Variants in GALNT17 observed in about 807,000 individuals in gnomAD.
GALNT17 encodes the protein UDP-GalNAc:polypeptide N-acetylgalactosaminyltransferase-like 3.
Under a neutral mutation model 63.7 loss-of-function variants are expected in GALNT17, and 29 were observed. The observed-to-expected ratio is 0.46, with a 90% CI of 0.34 to 0.62. GALNT17 has a LOEUF of 0.62. Among genes scored for constraint, GALNT17 ranks in the 20% least tolerant of loss-of-function variants. GALNT17 has a pLI of 0.01. For synonymous variants in GALNT17, 305 were observed against 318.3 expected, an observed-to-expected ratio of 0.96 and a Z score of 0.45; for missense variants, 603 against 799.6, an observed-to-expected ratio of 0.75 and a Z score of 2.97.
At chr7:71,319,093 T>TCTTTCTTTCTTTC (rs747369973) in intron 1 of GALNT17, among the ~76,000 whole-genome samples, 1,620 of 148,618 alleles carry the variant, frequency 0.011, 36 homozygotes, top group East Asian at 0.03. Flanking sequence ...GCTATTTTTG[T>TCTTTCTTTCTTTC]TTATCTTTCT....
At chr7:71,281,473 T>C (rs1277139377) in intron 1 of GALNT17, among the ~76,000 whole-genome samples, 1 of 152,232 alleles carries the variant, frequency 6.6e-6, no homozygotes, top group African/African-American at 2.4e-5. Context: ...GAAAGGAATT[T>C]CAAAACGGCT....
At chr7:71,532,787 G>T (rs56359787) in intron 5 of GALNT17, among the ~76,000 whole-genome samples, 1 of 152,014 alleles carries the variant, frequency 6.6e-6, no homozygotes, top group East Asian at 1.9e-4. Context: ...AGGAACAAAG[G>T]AATTAAAAAA....
intron 5 of GALNT17, among the ~76,000 whole-genome samples, chr7:71,427,128 G>A (rs1359421163): frequency 2.1e-5 from 3 of 145,970 alleles, no homozygotes; most frequent in African/African-American, 7.6e-5. Flanking sequence ...CACCCAGGCT[G>A]GAGTGCAGTG....
At chr7:71,583,488 T>G (rs2116903493) in intron 6 of GALNT17, among the ~76,000 whole-genome samples, 1 of 152,244 alleles carries the variant, frequency 6.6e-6, no homozygotes, top group South Asian at 2.1e-4. Context: ...CACCTGTAAG[T>G]TTGTCTCTGC....
chr7:71,293,362 C>A (rs1246624454), intron 1 of GALNT17, among the ~76,000 whole-genome samples: 1 of 152,112 alleles, frequency 6.6e-6, no homozygotes, highest in African/African-American at 2.4e-5. Context: ...CCTTACCAAC[C>A]CTTACCTTGT....
chr7:71,450,300 A>G (rs1378625883), intron 5 of GALNT17, among the ~76,000 whole-genome samples: 6 of 151,818 alleles, frequency 4.0e-5, no homozygotes, highest in Non-Finnish European at 7.4e-5. Flanking sequence ...AGGTCTAGCT[A>G]ATTTTTGTAT....
intron 5 of GALNT17, among the ~76,000 whole-genome samples, chr7:71,527,290 G>A (rs1358877095): frequency 1.3e-5 from 2 of 152,132 alleles, no homozygotes; most frequent in African/African-American, 4.8e-5. Context: ...TGGCCATTAG[G>A]CAATACAAAT....
At chr7:71,270,252 T>TC (rs929903330) in intron 1 of GALNT17, among the ~76,000 whole-genome samples, 2 of 151,916 alleles carry the variant, frequency 1.3e-5, no homozygotes, top group African/African-American at 4.8e-5. Flanking sequence ...TATCTCACTC[T>TC]CCCCCCTTGT....
intron 9 of GALNT17, among the ~76,000 whole-genome samples, chr7:71,699,521 G>C (rs1791598938): frequency 6.6e-6 from 1 of 151,352 alleles, no homozygotes; most frequent in Non-Finnish European, 1.5e-5. Context: ...CCTCAGGAGA[G>C]TGAAATGTTG....
At chr7:71,537,876 A>C (rs1306259004) in intron 5 of GALNT17, among the ~76,000 whole-genome samples, 1 of 152,174 alleles carries the variant, frequency 6.6e-6, no homozygotes, top group Admixed American at 6.5e-5. Context: ...GGAGAAGGCC[A>C]TGAGAGGATG....
At position 71,421,114 on chromosome 7, in the gene GALNT17, C is replaced by A. The variant is rs200703759; in HGVS notation, c.962+9C>A. 774 of 1,613,866 alleles carry A rather than the reference C, an allele frequency of 4.8e-4. 10 individuals carry two copies. The African/African-American group carries it at 9.5e-3, about 20-fold the overall frequency. The stretch of plus-strand genomic sequence containing the variant: ...CCTTCTCTCCCCATCAGGTCTGTGG[C>A]TGGTGAGCCCTGGCGGCCAACGAGC... On this transcript the variant is annotated intron_variant, in intron 5 of 10. Transcript: ENST00000333538.
At chr7:71,157,541 C>T (rs1314887417) in intron 1 of GALNT17, among the ~76,000 whole-genome samples, 2 of 151,584 alleles carry the variant, frequency 1.3e-5, no homozygotes, top group African/African-American at 4.9e-5. Context: ...CCCTATAATC[C>T]CAGCTACTCA....
intron 6 of GALNT17, among the ~76,000 whole-genome samples, chr7:71,623,721 C>T (rs1019771537): frequency 6.6e-6 from 1 of 152,172 alleles, no homozygotes; most frequent in Non-Finnish European, 1.5e-5. Context: ...CCGGCGTGAG[C>T]CACCGTGCGT....
intron 6 of GALNT17, among the ~76,000 whole-genome samples, chr7:71,608,406 C>T (rs184362019): frequency 2.0e-5 from 3 of 152,176 alleles, no homozygotes; most frequent in South Asian, 2.1e-4. Flanking sequence ...GGAGGTGTCA[C>T]GTGGACAGTC....
chr7:71,440,078 G>A (rs981791100), intron 5 of GALNT17, among the ~76,000 whole-genome samples: 9 of 151,422 alleles, frequency 5.9e-5, no homozygotes, highest in African/African-American at 1.2e-4. Context: ...CCGAGCATGC[G>A]CCACCACGCC....
intron 6 of GALNT17, among the ~76,000 whole-genome samples, chr7:71,633,709 G>A (rs889126312): frequency 1.3e-5 from 2 of 152,130 alleles, no homozygotes; most frequent in African/African-American, 2.4e-5. Context: ...CTCATTCCTT[G>A]CTTCCTTGCA....
intron 1 of GALNT17, among the ~76,000 whole-genome samples, chr7:71,197,059 A>G (rs932485351): frequency 1.3e-5 from 2 of 152,122 alleles, no homozygotes; most frequent in African/African-American, 2.4e-5. Flanking sequence ...GTGTGTAACA[A>G]TCACATCATG....
chr7:71,653,367 A>G (rs1381512905), intron 6 of GALNT17, among the ~76,000 whole-genome samples: 3 of 151,870 alleles, frequency 2.0e-5, no homozygotes. Context: ...AAAGTCAGAA[A>G]TTGACACATG....
chr7:71,712,281 G>C lies in GALNT17; in HGVS notation c.*135G>C. 3 of 1,237,946 alleles carry C rather than the reference G, an allele frequency of 2.4e-6. No homozygotes were observed. The highest frequency in any genetic ancestry group is 1.1e-6 in the Non-Finnish European group (1 of 920,210). 76.7% of individuals were successfully genotyped at this position (1,237,946 alleles called of 1,614,324 possible). ...ATGGGCCCCCCAGGGCTTCTCCAGG[G>C]CAGCACAGGGACCCCGGATGAAGAC... On this transcript the variant is annotated 3_prime_UTR_variant, in exon 11 of 11. Coordinates refer to ENST00000333538, the MANE Select transcript of GALNT17 (RefSeq NM_022479.3).
Sources: allele counts gnomAD v4.1 joint callset (sites outside exome capture counted in the v4.1 genomes callset), GRCh38; gene constraint gnomAD v4.1.1; transcripts MANE v1.5; gene names NCBI Gene and HGNC (gene_info 2026-07-23, HGNC 2026-07-21).